The following EPHA6 variants were observed in gnomAD, a reference collection of about 807,000 sequenced individuals.
EPHA6 encodes the protein ephrin type-A receptor 6.
In EPHA6, 50 loss-of-function variants were observed where a neutral mutation model predicts 112.0. The observed-to-expected ratio is 0.45, with a 90% CI of 0.36 to 0.56. The LOEUF is 0.56. EPHA6 is among the 20% of genes least tolerant of loss of function. EPHA6 has a pLI of 0.00. For missense variants in EPHA6, 1,280 were observed against 1,417.4 expected, an observed-to-expected ratio of 0.90 and a Z score of 1.56; for synonymous variants, 529 against 490.7, an observed-to-expected ratio of 1.08 and a Z score of -1.03.
intron 11 of EPHA6, among the ~76,000 whole-genome samples, chr3:97,565,335 A>G (rs1195320258): frequency 6.6e-6 from 1 of 152,124 alleles, no homozygotes; most frequent in Non-Finnish European, 1.5e-5. Context: ...ATGATCTATG[A>G]TTACAGTTTT....
At chr3:97,320,086 T>C (rs2082037932) in intron 5 of EPHA6, among the ~76,000 whole-genome samples, 1 of 152,080 alleles carries the variant, frequency 6.6e-6, no homozygotes, top group South Asian at 2.1e-4. Context: ...AATATTCTCT[T>C]TCAGTATTGG....
intron 5 of EPHA6, among the ~76,000 whole-genome samples, chr3:97,257,820 A>G (rs922758721): frequency 1.2e-4 from 18 of 152,078 alleles, no homozygotes; most frequent in African/African-American, 4.1e-4. Context: ...TGGAATGACA[A>G]GTCTAGTGAA....
chr3:97,421,736 TATAGTGC>T (rs999394756), intron 6 of EPHA6, among the ~76,000 whole-genome samples: 2 of 152,148 alleles, frequency 1.3e-5, no homozygotes, highest in Non-Finnish European at 2.9e-5. Context: ...AGAGTTACTG[TATAGTGC>T]ATAACATTGT....
chr3:97,407,951 A>G (rs1426774628), intron 6 of EPHA6, among the ~76,000 whole-genome samples: 1 of 152,082 alleles, frequency 6.6e-6, no homozygotes, highest in Non-Finnish European at 1.5e-5. Context: ...TGGGTAATTT[A>G]TAAGAAACAT....
chr3:97,593,484 A>G (rs1009469387), intron 12 of EPHA6, among the ~76,000 whole-genome samples: 2 of 152,166 alleles, frequency 1.3e-5, no homozygotes, highest in African/African-American at 2.4e-5. Flanking sequence ...CAGAATTCAA[A>G]TATTGATTCT....
intron 5 of EPHA6, among the ~76,000 whole-genome samples, chr3:97,308,669 A>G (rs1180114758): frequency 6.6e-6 from 1 of 151,806 alleles, no homozygotes; most frequent in African/African-American, 2.4e-5. Context: ...CTGCAACAGA[A>G]ACTTCATATG....
chr3:97,546,364 C>A (rs564559994), intron 11 of EPHA6, among the ~76,000 whole-genome samples: 3 of 152,260 alleles, frequency 2.0e-5, no homozygotes, highest in South Asian at 2.1e-4. Flanking sequence ...GTTGAAAATT[C>A]TTTTCTTTAA....
At chr3:97,063,315 T>TG (rs1187775948) in intron 3 of EPHA6, among the ~76,000 whole-genome samples, 11 of 152,228 alleles carry the variant, frequency 7.2e-5, no homozygotes, top group African/African-American at 2.6e-4. Context: ...TCCCCATCAA[T>TG]GATAGACTGG....
At chr3:96,928,943 G>A (rs1206970579) in intron 2 of EPHA6, among the ~76,000 whole-genome samples, 1 of 152,064 alleles carries the variant, frequency 6.6e-6, no homozygotes, top group African/African-American at 2.4e-5. Flanking sequence ...TATAACCCCT[G>A]CTTTTTTCTG....
chr3:97,381,491 C>T (rs985391069), intron 5 of EPHA6, among the ~76,000 whole-genome samples: 1 of 152,054 alleles, frequency 6.6e-6, no homozygotes, highest in Non-Finnish European at 1.5e-5. Context: ...GAAAATTTAG[C>T]TCCAGATTTG....
chr3:97,377,968 A>G (rs2085466228), intron 5 of EPHA6, among the ~76,000 whole-genome samples: 1 of 152,248 alleles, frequency 6.6e-6, no homozygotes, highest in Non-Finnish European at 1.5e-5. Flanking sequence ...TCCAGCTGCC[A>G]GCAAATATTT....
intron 14 of EPHA6, chr3:97,646,405 T>A (rs777243675): frequency 8.1e-5 from 72 of 889,866 alleles, no homozygotes; most frequent in Non-Finnish European, 1.1e-4. Flanking sequence ...AAATGAAGAA[T>A]GAGATTTACA....
intron 3 of EPHA6, among the ~76,000 whole-genome samples, chr3:97,013,856 T>C (rs17509071): frequency 0.17 from 26,223 of 152,096 alleles, 2,550 homozygotes; most frequent in Non-Finnish European, 0.22. Flanking sequence ...TGTTTTTGCA[T>C]AGGAGTTTTA....
At chr3:96,946,224 G>T (rs777719330) in intron 2 of EPHA6, among the ~76,000 whole-genome samples, 2 of 151,732 alleles carry the variant, frequency 1.3e-5, no homozygotes, top group African/African-American at 2.4e-5. Flanking sequence ...TGCACAACAT[G>T]CAGGTTTGTT....
chr3:96,882,123 C>A (rs1392627886), intron 2 of EPHA6, among the ~76,000 whole-genome samples: 1 of 152,152 alleles, frequency 6.6e-6, no homozygotes, highest in African/African-American at 2.4e-5. Flanking sequence ...CTTCTTACAG[C>A]TCCATTAGGC....
chr3:97,472,376 G>T (rs2107449070), intron 7 of EPHA6, among the ~76,000 whole-genome samples: 1 of 151,806 alleles, frequency 6.6e-6, no homozygotes, highest in Non-Finnish European at 1.5e-5. Flanking sequence ...CTTCCCAAAT[G>T]ATAAGATATT....
At chr3:97,622,625 T>A (rs147445138) in intron 13 of EPHA6, among the ~76,000 whole-genome samples, 2 of 151,794 alleles carry the variant, frequency 1.3e-5, no homozygotes, top group African/African-American at 4.8e-5. Context: ...TACTGGATAA[T>A]ACTTTAATTC....
At chr3:97,016,492 T>C (rs868531906) in intron 3 of EPHA6, among the ~76,000 whole-genome samples, 1 of 152,202 alleles carries the variant, frequency 6.6e-6, no homozygotes, top group African/African-American at 2.4e-5. Context: ...AAATTATGTA[T>C]TTACTTTAAA....
At position 97,747,544 on chromosome 3, in the gene EPHA6, T is replaced by C. The variant is rs200472528; in HGVS notation, c.3250T>C (p.Phe1084Leu). The part of the protein sequence containing the change: ...NNFVAAGFTT[F>L]DLISRMSIDD... ...CTTCGTGGCAGCAGGGTTTACAACA[T>C]TTGACCTGATTTCAAGAATGAGCAT... Residue 1084 changes from phenylalanine to leucine, a missense_variant, in exon 17 of 18, where the codon TTT becomes CTT. Phe to Leu is a conservative substitution (Grantham distance 22). This residue lies in a region of EPHA6 where 145 missense variants were observed against 153.3 expected (regional missense o/e 0.95). Coordinates refer to ENST00000389672, the MANE Select transcript of EPHA6 (RefSeq NM_001080448.3). 3.8e-4 allele frequency: 612 copies of C among 1,608,246 alleles called. 6 individuals carry two copies. The African/African-American group carries it at 7.4e-3, about 20-fold the overall frequency.
Sources: gnomAD v4.1 joint callset for allele counts (sites outside exome capture counted in the v4.1 genomes callset) on GRCh38, gnomAD v4.1.1 for gene constraint, gnomAD v4.1.1 regional missense constraint, MANE v1.5 for transcripts, NCBI Gene and HGNC (gene_info 2026-07-23, HGNC 2026-07-21) for gene names.